Variants in ZNF736 observed in about 807,000 individuals in gnomAD.
ZNF736 encodes zinc finger protein 736.
Under a neutral mutation model 11.7 loss-of-function variants are expected in ZNF736, and 6 were observed. The ratio of observed to expected loss-of-function variants is 0.51; its 90% CI spans 0.28 to 1.01. ZNF736 has a LOEUF of 1.01. Among genes scored for constraint, ZNF736 ranks in the 50% least tolerant of loss-of-function variants. The probability of loss-of-function intolerance (pLI) is 0.09; values close to 1 mark genes in which losing one functional copy is unlikely to be tolerated. For synonymous variants in ZNF736, 139 were observed against 164.7 expected (o/e 0.84, Z 1.19); for missense variants, 444 against 496.0 (o/e 0.90, Z 1.00).
At chr7:64,318,602 C>G (rs1222260562) in intron 1 of ZNF736, among the ~76,000 whole-genome samples, 1 of 151,920 alleles carries the variant, frequency 6.6e-6, no homozygotes, top group Non-Finnish European at 1.5e-5. Flanking sequence ...AGTCAAAAGA[C>G]TTTTTTAAAA....
At chr7:64,345,682 C>T (rs1056998960) in intron 3 of ZNF736, among the ~76,000 whole-genome samples, 71 of 131,432 alleles carry the variant, frequency 5.4e-4, no homozygotes, top group Non-Finnish European at 2.0e-4. Context: ...TGCAGTGAGC[C>T]GAGATCGTGC....
At position 64,353,239 on chromosome 7, in the gene ZNF736, G is replaced by A. The variant is rs368077358; in HGVS notation, c.*4092G>A. 1.3e-5 allele frequency: 2 copies of A among 152,354 alleles called. No homozygotes were observed. Among genetic ancestry groups the A allele is most frequent in the South Asian group, 4.1e-4 (2 of 4,824 alleles). The allele number at this position is 152,354 out of a possible 1,614,324, so 9.4% of individuals were successfully genotyped here. A position where few individuals can be genotyped will look rare whatever the true frequency, so the allele number is the denominator to read the frequency against. On this transcript the variant is annotated 3_prime_UTR_variant, in exon 4 of 4. Transcript: ENST00000423484. ...TGCACTCACTGCTTTACTGGGTGGG[G>A]AGGTTCCCTTGGCTCCATGTTGTTC...
In ZNF736 at chr7:64,336,992, A is replaced by C; in HGVS notation, c.226+10A>C. ...GTAGCCAAACACCCAGGTAGGTGGG[A>C]GTGAATGAAGCAGATGACACAAATG... On this transcript the variant is annotated intron_variant, in intron 3 of 3. Coordinates refer to ENST00000423484, the MANE Select transcript of ZNF736 (RefSeq NM_001170905.3). The C allele has an allele frequency of 6.3e-7, 1 of 1,592,620 alleles. No individual in the cohort carries two copies. The highest frequency in any genetic ancestry group is 8.6e-7 in the Non-Finnish European group (1 of 1,167,834).
At chr7:64,334,835 A>G (rs1789222139) in intron 1 of ZNF736, among the ~76,000 whole-genome samples, 1 of 152,210 alleles carries the variant, frequency 6.6e-6, no homozygotes, top group Non-Finnish European at 1.5e-5. Context: ...ACACATGCAC[A>G]CATATGTTTA....
In ZNF736 at chr7:64,350,457, T is replaced by C. The variant is rs1789470844; in HGVS notation, c.*1310T>C. ...TGTTTTTTCCGTCAGTTCCTGCAATTTTTTTTCCTCCCTTGCATTGGGTTG... is the reference window on the plus strand; with the variant it reads ...TGTTTTTTCCGTCAGTTCCTGCAATCTTTTTTCCTCCCTTGCATTGGGTTG... On this transcript the variant is annotated 3_prime_UTR_variant, in exon 4 of 4. Coordinates refer to ENST00000423484, the MANE Select transcript of ZNF736 (RefSeq NM_001170905.3). 1 of 152,202 alleles carries C rather than the reference T, an allele frequency of 6.6e-6. No individual in the cohort carries two copies. The highest frequency in any genetic ancestry group is 1.5e-5 in the Non-Finnish European group (1 of 68,038). 9.4% of individuals were successfully genotyped at this position (152,202 alleles called of 1,614,324 possible).
At position 64,352,805 on chromosome 7, in the gene ZNF736, C is replaced by T. The variant is rs1789508014; in HGVS notation, c.*3658C>T. The T allele has an allele frequency of 1.3e-5, 2 of 152,402 alleles. No homozygotes were observed. The highest frequency in any genetic ancestry group is 2.9e-5 in the Non-Finnish European group (2 of 68,250). 9.4% of individuals were successfully genotyped at this position (152,402 alleles called of 1,614,324 possible). A position where few individuals can be genotyped will look rare whatever the true frequency, so the allele number is the denominator to read the frequency against. ...TGGAATGGCTAAGTTGCTCAAGCAG[C>T]AAAGATGGTGGCCCACTCCTCTTTC... is the stretch of plus-strand genomic sequence containing the variant. On this transcript the variant is annotated 3_prime_UTR_variant, in exon 4 of 4. Coordinates refer to ENST00000423484, the MANE Select transcript of ZNF736 (RefSeq NM_001170905.3).
chr7:64,326,925 T>G lies in ZNF736; in HGVS notation c.4-9334T>G, dbSNP rs114336678. Among the ~76,000 whole-genome samples, 1,493 of 152,246 alleles carry G rather than the reference T, an allele frequency of 9.8e-3. 33 individuals are homozygous for G. Among genetic ancestry groups the G allele is most frequent in the African/African-American group, 0.031 (1,304 of 41,552 alleles). ...GAGAAATTACTTGATATAATCTTATTTGGGGGGAGATTATTTTAAGAGTTA... is the reference window on the plus strand; with the variant it reads ...GAGAAATTACTTGATATAATCTTATGTGGGGGGAGATTATTTTAAGAGTTA... On this transcript the variant is annotated intron_variant, in intron 1 of 3. Transcript: ENST00000423484.
chr7:64,337,677 T>C (rs906885477), intron 3 of ZNF736, among the ~76,000 whole-genome samples: 1 of 152,174 alleles, frequency 6.6e-6, no homozygotes, highest in Non-Finnish European at 1.5e-5. Flanking sequence ...TTCATACGTT[T>C]ATTAAATATA....
rs890762538 is a variant in ZNF736, at chr7:64,354,083, G to A, written c.*4936G>A. On this transcript the variant is annotated 3_prime_UTR_variant, in exon 4 of 4. Coordinates refer to ENST00000423484, the MANE Select transcript of ZNF736 (RefSeq NM_001170905.3). Reference sequence around the variant, plus strand: ...TAACTTAAAATAATTTAGAGAATATGGTTTCTACAACTTACATTTTTGTTT... The same window carrying A: ...TAACTTAAAATAATTTAGAGAATATAGTTTCTACAACTTACATTTTTGTTT... 1.3e-5 allele frequency: 2 copies of A among 151,948 alleles called. No homozygotes were observed. Among genetic ancestry groups the A allele is most frequent in the African/African-American group, 4.8e-5 (2 of 41,360 alleles). The allele number at this position is 151,948 out of a possible 1,614,324, so 9.4% of individuals were successfully genotyped here.
intron 1 of ZNF736, among the ~76,000 whole-genome samples, chr7:64,323,819 G>C (rs1268167004): frequency 1.3e-5 from 2 of 152,056 alleles, no homozygotes; most frequent in East Asian, 1.9e-4. Flanking sequence ...GTGCAGCAAA[G>C]TACCATGACA....
chr7:64,341,815 T>C (rs1051850443), intron 3 of ZNF736, among the ~76,000 whole-genome samples: 23 of 152,122 alleles, frequency 1.5e-4, no homozygotes, highest in Non-Finnish European at 1.5e-4. Context: ...TTCTGCAGCA[T>C]AGAAAGTATT....
intron 1 of ZNF736, among the ~76,000 whole-genome samples, chr7:64,324,708 G>C (rs1789059323): frequency 6.6e-6 from 1 of 152,156 alleles, no homozygotes; most frequent in Non-Finnish European, 1.5e-5. Context: ...TGAGTCACCT[G>C]ATCATAGTCT....
chr7:64,341,570 T>TC, intron 3 of ZNF736, among the ~76,000 whole-genome samples: 1 of 152,276 alleles, frequency 6.6e-6, no homozygotes, highest in South Asian at 2.1e-4. Flanking sequence ...GCATGGCAGT[T>TC]CCTCTAGTAT....
At chr7:64,316,582 G>T (rs1341340223) in intron 1 of ZNF736, among the ~76,000 whole-genome samples, 2 of 152,224 alleles carry the variant, frequency 1.3e-5, no homozygotes, top group Admixed American at 1.3e-4. Flanking sequence ...ATGGGGGTGG[G>T]AGAATCTCTC....
intron 1 of ZNF736, among the ~76,000 whole-genome samples, chr7:64,330,025 G>GCCA (rs1789139478): frequency 6.6e-6 from 1 of 152,066 alleles, no homozygotes; most frequent in Non-Finnish European, 1.5e-5. Flanking sequence ...ACTCCCCATG[G>GCCA]CCACCACCAC....
At chr7:64,319,291 A>G (rs1339270610) in intron 1 of ZNF736, among the ~76,000 whole-genome samples, 3 of 131,702 alleles carry the variant, frequency 2.3e-5, no homozygotes, top group Admixed American at 7.9e-5. Context: ...ATGTGTATGT[A>G]TGTATGTGTG....
At chr7:64,337,661 A>G (rs1489670829) in intron 3 of ZNF736, among the ~76,000 whole-genome samples, 1 of 151,964 alleles carries the variant, frequency 6.6e-6, no homozygotes, top group Non-Finnish European at 1.5e-5. Context: ...AGTTCATTGT[A>G]TCTACTTCAT....
chr7:64,323,467 G>A (rs1252423870), intron 1 of ZNF736, among the ~76,000 whole-genome samples: 2 of 151,954 alleles, frequency 1.3e-5, no homozygotes, highest in Non-Finnish European at 2.9e-5. Flanking sequence ...ATTCACAATA[G>A]CAAAGACATG....
At position 64,349,236 on chromosome 7, in the gene ZNF736, G is replaced by C. The variant is rs1789454682; in HGVS notation, c.*89G>C. 1.7e-6 allele frequency: 2 copies of C among 1,153,520 alleles called. No individual in the cohort carries two copies. The highest frequency in any genetic ancestry group is 2.4e-6 in the Non-Finnish European group (2 of 843,184). The allele number at this position is 1,153,520 out of a possible 1,614,324, so 71.5% of individuals were successfully genotyped here. ...CAAATGCAGTATAAATGTAATGACA[G>C]TGGAAGAACATTTATCATCTTAGAG... On this transcript the variant is annotated 3_prime_UTR_variant, in exon 4 of 4. Transcript: ENST00000423484.
Sources: gnomAD v4.1 joint callset for allele counts (sites outside exome capture counted in the v4.1 genomes callset) on GRCh38, gnomAD v4.1.1 for gene constraint, MANE v1.5 for transcripts, NCBI Gene and HGNC (gene_info 2026-07-23, HGNC 2026-07-21) for gene names.